The following FBXL2 variants were observed in gnomAD, a reference collection of about 807,000 sequenced individuals.
The protein encoded by FBXL2 is F-box/LRR-repeat protein 2.
FBXL2 carries 38 observed loss-of-function variants against 69.2 expected under a neutral mutation model. That is an observed-to-expected ratio of 0.55 (90% confidence interval 0.42 to 0.72). The LOEUF (loss-of-function observed/expected upper bound fraction) is 0.72. FBXL2 is among the 30% of genes least tolerant of loss of function. The pLI is 0.00. For synonymous variants in FBXL2, 192 were observed against 201.3 expected, an observed-to-expected ratio of 0.95 and a Z score of 0.39; for missense variants, 354 against 520.3, an observed-to-expected ratio of 0.68 and a Z score of 3.11.
chr3:33,419,725 G>T, the FBXL2 span, among the ~76,000 whole-genome samples: 3 of 151,734 alleles, frequency 2.0e-5, no homozygotes. Flanking sequence ...TTCTTCAATG[G>T]TAATATCCAT....
intron 12 of FBXL2, chr3:33,400,148 A>C (rs2044167146): frequency 1.5e-6 from 2 of 1,297,886 alleles, no homozygotes; most frequent in Non-Finnish European, 2.1e-6. Flanking sequence ...AAACAAAAAC[A>C]AAACATTCTC....
Position 33,300,810 on chromosome 3 carries a change from G to A in FBXL2, c.65+3085G>A, listed in dbSNP as rs1257639759. Among the ~76,000 whole-genome samples, 4 of 150,706 alleles carry A rather than the reference G, an allele frequency of 2.7e-5. No individual in the cohort carries two copies. In the East Asian group the frequency reaches 5.9e-4, roughly 22 times the overall value. ...TGCAAGCTCCACCTCCCGGGTTCAC[G>A]CCATTCTCCTGCCTCAGCCTCCTGT... On this transcript the variant is annotated intron_variant, in intron 2 of 14. Coordinates refer to ENST00000484457, the MANE Select transcript of FBXL2 (RefSeq NM_012157.5).
intron 2 of FBXL2, among the ~76,000 whole-genome samples, chr3:33,315,202 C>G (rs1315352909): frequency 1.3e-5 from 2 of 151,360 alleles, no homozygotes; most frequent in African/African-American, 4.9e-5. Context: ...CTTTTCTTTT[C>G]TTTTTCTTTC....
At chr3:33,376,780 T>C (rs2042668307) in intron 10 of FBXL2, among the ~76,000 whole-genome samples, 1 of 151,918 alleles carries the variant, frequency 6.6e-6, no homozygotes, top group African/African-American at 2.4e-5. Flanking sequence ...GTGGGTGGAT[T>C]ACCTGAGGTC....
At chr3:33,315,641 C>G (rs891169115) in intron 2 of FBXL2, among the ~76,000 whole-genome samples, 3 of 152,000 alleles carry the variant, frequency 2.0e-5, no homozygotes, top group Non-Finnish European at 4.4e-5. Flanking sequence ...ATTTTTCTTT[C>G]ATTTATAATT....
chr3:33,409,741 A>G, the FBXL2 span: 1 of 1,082,126 alleles, frequency 9.2e-7, no homozygotes, highest in East Asian at 2.5e-5. Context: ...TAGCCAAATT[A>G]TCTATGAACC....
At chr3:33,420,250 C>G in the FBXL2 span, among the ~76,000 whole-genome samples, 1 of 152,176 alleles carries the variant, frequency 6.6e-6, no homozygotes, top group Admixed American at 6.5e-5. Context: ...GCAAAAAGAA[C>G]TTTCTGAAAT....
chr3:33,364,080 C>T (rs367650836), intron 4 of FBXL2, among the ~76,000 whole-genome samples: 1 of 152,182 alleles, frequency 6.6e-6, no homozygotes, highest in African/African-American at 2.4e-5. Context: ...CCTCTAATAT[C>T]TCTGCCAGTA....
rs141733625 is a variant in FBXL2, at chr3:33,278,639, C to G, written c.3+1124C>G. On this transcript the variant is annotated intron_variant, in intron 1 of 14. Transcript: ENST00000484457. ...GTGGTGGGAGGTGGATGGTGTCTCT[C>G]ATTGACTCTGGAAAAGCAACTTCCA... Among the ~76,000 whole-genome samples, 446 of 152,266 alleles carry G rather than the reference C, an allele frequency of 2.9e-3. 1 individual carries two copies. The highest frequency in any genetic ancestry group is 4.6e-3 in the Non-Finnish European group (312 of 68,016).
At chr3:33,327,434 A>C (rs186497626) in intron 2 of FBXL2, among the ~76,000 whole-genome samples, 1 of 152,252 alleles carries the variant, frequency 6.6e-6, no homozygotes, top group African/African-American at 2.4e-5. Context: ...ATCCACCCCC[A>C]AAAATCCCTC....
At chr3:33,357,076 G>A (rs1003841602) in intron 2 of FBXL2, among the ~76,000 whole-genome samples, 2 of 152,156 alleles carry the variant, frequency 1.3e-5, no homozygotes, top group Non-Finnish European at 1.5e-5. Flanking sequence ...AATGGAGATA[G>A]TAATAGCACA....
chr3:33,359,028 T>G lies in FBXL2; in HGVS notation c.120+7T>G. The G allele has an allele frequency of 6.6e-7, 1 of 1,514,922 alleles. No individual in the cohort carries two copies. Among genetic ancestry groups the G allele is most frequent in the Non-Finnish European group, 8.9e-7 (1 of 1,122,820 alleles). The allele number at this position is 1,514,922 out of a possible 1,614,324, so 93.8% of individuals were successfully genotyped here. A position where few individuals can be genotyped will look rare whatever the true frequency, so the allele number is the denominator to read the frequency against. ...ATGTGCACAGATTTCCAAGGTAGAGTATTCACCAGATTTTTTAATCAATAA... is the reference window on the plus strand; with the variant it reads ...ATGTGCACAGATTTCCAAGGTAGAGGATTCACCAGATTTTTTAATCAATAA... On this transcript the variant is annotated splice_region_variant and intron_variant, in intron 3 of 14. Coordinates refer to ENST00000484457, the MANE Select transcript of FBXL2 (RefSeq NM_012157.5).
At chr3:33,400,305 T>C (rs1334701922) in intron 12 of FBXL2, 1 of 1,555,236 alleles carries the variant, frequency 6.4e-7, no homozygotes, top group Non-Finnish European at 8.8e-7. Context: ...AAAATGAACA[T>C]AAATAAAAGG....
At chr3:33,286,440 C>T (rs977551013) in intron 1 of FBXL2, among the ~76,000 whole-genome samples, 4 of 152,188 alleles carry the variant, frequency 2.6e-5, no homozygotes, top group East Asian at 1.9e-4. Flanking sequence ...AGGTGTCAGT[C>T]GGCCTCTACT....
At chr3:33,398,161 T>C (rs1004071541) in intron 12 of FBXL2, 5 of 152,162 alleles carry the variant, frequency 3.3e-5, no homozygotes, top group African/African-American at 1.2e-4. Context: ...CAGGATACAG[T>C]TTATTGGGGG....
downstream of FBXL2, among the ~76,000 whole-genome samples, chr3:33,406,858 G>A (rs996056393): frequency 6.6e-6 from 1 of 152,170 alleles, no homozygotes; most frequent in African/African-American, 2.4e-5. Flanking sequence ...GCTCAGAGAT[G>A]AAGACCAACA....
intron 1 of FBXL2, among the ~76,000 whole-genome samples, chr3:33,288,351 G>A (rs890166697): frequency 2.0e-5 from 3 of 152,214 alleles, no homozygotes; most frequent in Admixed American, 6.5e-5. Flanking sequence ...CGCAAACCGA[G>A]TATGGCTCTT....
downstream of FBXL2, among the ~76,000 whole-genome samples, chr3:33,405,184 TAAG>T (rs759879343): frequency 5.3e-5 from 8 of 152,108 alleles, 1 homozygote; most frequent in East Asian, 1.9e-4. Context: ...TAAAAATAAA[TAAG>T]AAAAAAATTT....
At chr3:33,385,045 C>T (rs910358962) in intron 14 of FBXL2, among the ~76,000 whole-genome samples, 2 of 152,018 alleles carry the variant, frequency 1.3e-5, no homozygotes, top group Non-Finnish European at 2.9e-5. Context: ...AGAAAAAAGG[C>T]CTATGGTAAA....
Sources: allele counts gnomAD v4.1 joint callset (sites outside exome capture counted in the v4.1 genomes callset), GRCh38; gene constraint gnomAD v4.1.1; transcripts MANE v1.5; gene names NCBI Gene and HGNC (gene_info 2026-07-23, HGNC 2026-07-21).